The following BABAM2 variants were observed in gnomAD, a reference collection of about 807,000 sequenced individuals.
The protein encoded by BABAM2 is BRISC and BRCA1 A complex member 2.
BABAM2 carries 31 observed loss-of-function variants against 54.7 expected under a neutral mutation model. The ratio of observed to expected loss-of-function variants is 0.57; its 90% CI spans 0.43 to 0.77. The LOEUF is 0.77. BABAM2 is among the 30% of genes least tolerant of loss of function. BABAM2 has a pLI of 0.00. For synonymous variants in BABAM2, 167 were observed against 162.9 expected (o/e 1.03, Z -0.19); for missense variants, 364 against 455.8 (o/e 0.80, Z 1.83).
At position 28,329,876 on chromosome 2, in the gene BABAM2, CA is replaced by C. The variant is rs562639485; in HGVS notation, c.1089-8567del. ...ATACCAAAACCTGGCAGAGATACAA[CA>C]AAAAAAGAAAATGTCAGGCCAATAC... is the stretch of plus-strand genomic sequence containing the variant. On this transcript the variant is annotated intron_variant, in intron 11 of 11. Transcript: ENST00000379624. The surrounding 1 kb of genome is among the most constrained non-coding windows in gnomAD (Gnocchi z 4.2). Among the ~76,000 whole-genome samples, 1 of 152,000 alleles carries C rather than the reference CA, an allele frequency of 6.6e-6. No individual in the cohort carries two copies. The highest frequency in any genetic ancestry group is 2.4e-5 in the African/African-American group (1 of 41,370).
intron 6 of BABAM2, among the ~76,000 whole-genome samples, chr2:28,071,027 AAATGAG>A (rs1664089239): frequency 6.6e-6 from 1 of 152,076 alleles, no homozygotes. Context: ...CTTAATTATT[AAATGAG>A]AATAAGATCT....
chr2:27,946,164 C>CT (rs1669285002), intron 3 of BABAM2, among the ~76,000 whole-genome samples: 1 of 151,996 alleles, frequency 6.6e-6, no homozygotes, highest in African/African-American at 2.4e-5. Context: ...TTCTAGGTGC[C>CT]TTTTTATCAA....
intron 6 of BABAM2, among the ~76,000 whole-genome samples, chr2:28,066,061 A>T (rs1205046762): frequency 2.0e-5 from 3 of 151,140 alleles, no homozygotes; most frequent in African/African-American, 7.3e-5. Context: ...CAGGAGGCCG[A>T]GGTAGGAGAA....
chr2:28,203,097 AAGGTGAC>A (rs1304545587), intron 7 of BABAM2, among the ~76,000 whole-genome samples: 8 of 152,346 alleles, frequency 5.3e-5, no homozygotes, highest in African/African-American at 1.4e-4. Context: ...ACGTTGAGCT[AAGGTGAC>A]AGGTTGTACC....
intron 3 of BABAM2, among the ~76,000 whole-genome samples, chr2:27,969,970 AC>A (rs1671091988): frequency 6.6e-6 from 1 of 152,138 alleles, no homozygotes; most frequent in Non-Finnish European, 1.5e-5. Context: ...ATGGTGGGTC[AC>A]CATGGCATCT....
chr2:27,921,600 G>A (rs1034842421), intron 2 of BABAM2, among the ~76,000 whole-genome samples: 4 of 152,112 alleles, frequency 2.6e-5, no homozygotes, highest in African/African-American at 9.7e-5. Flanking sequence ...AAGCATCTAC[G>A]TGCCTCAGTG....
At chr2:27,939,963 C>T (rs1004699843) in intron 3 of BABAM2, among the ~76,000 whole-genome samples, 16 of 152,132 alleles carry the variant, frequency 1.1e-4, no homozygotes, top group Non-Finnish European at 2.1e-4. Context: ...TTCCTCAGGT[C>T]TTTTACTGTG....
At chr2:28,098,912 A>G (rs1314929272) in intron 6 of BABAM2, among the ~76,000 whole-genome samples, 9 of 152,248 alleles carry the variant, frequency 5.9e-5, no homozygotes, top group Non-Finnish European at 8.8e-5. Context: ...GGATGAATGT[A>G]GATCACAGAC....
intron 5 of BABAM2, among the ~76,000 whole-genome samples, chr2:28,026,884 A>AGATATATATATT (rs1558667458): frequency 0.024 from 1,184 of 50,354 alleles, 12 homozygotes; most frequent in Non-Finnish European, 0.034. Flanking sequence ...TTATATATAT[A>AGATATATATATT]TAGATATATA....
At chr2:28,282,502 CT>C (rs1269781046) in intron 10 of BABAM2, among the ~76,000 whole-genome samples, 1 of 152,116 alleles carries the variant, frequency 6.6e-6, no homozygotes, top group Non-Finnish European at 1.5e-5. Context: ...ATTTATAGCA[CT>C]TGTAGATACA....
chr2:28,144,316 G>A (rs1671313911), intron 7 of BABAM2, among the ~76,000 whole-genome samples: 1 of 152,132 alleles, frequency 6.6e-6, no homozygotes, highest in South Asian at 2.1e-4. Context: ...TAGATACTGT[G>A]CACAGGGACC....
chr2:27,902,120 A>T (rs1008834742), intron 2 of BABAM2, among the ~76,000 whole-genome samples: 1 of 152,202 alleles, frequency 6.6e-6, no homozygotes, highest in African/African-American at 2.4e-5. Flanking sequence ...TTTGACAAAG[A>T]ATGCCACAGT....
rs766084566 is a variant in BABAM2 at position 27,929,927 on chromosome 2, T to C, written c.205+19T>C. On this transcript the variant is annotated intron_variant, in intron 3 of 11. Coordinates refer to ENST00000379624, the MANE Select transcript of BABAM2 (RefSeq NM_199191.3). ...TTAAAGTGTAAGTAAATGATGACTATTTTACTCAAAATGTAGGTTACAGTG... is the reference window on the plus strand; with the variant it reads ...TTAAAGTGTAAGTAAATGATGACTACTTTACTCAAAATGTAGGTTACAGTG... 1 of 1,592,522 alleles carries C rather than the reference T, an allele frequency of 6.3e-7. No homozygotes were observed. The highest frequency in any genetic ancestry group is 1.3e-5 in the African/African-American group (1 of 74,582).
intron 6 of BABAM2, among the ~76,000 whole-genome samples, chr2:28,097,338 G>A (rs776941933): frequency 6.6e-6 from 1 of 152,150 alleles, no homozygotes; most frequent in Non-Finnish European, 1.5e-5. Context: ...GTGGGCATGT[G>A]GGACTAGGAA....
At chr2:28,009,056 A>G (rs1674191690) in intron 4 of BABAM2, among the ~76,000 whole-genome samples, 1 of 152,122 alleles carries the variant, frequency 6.6e-6, no homozygotes, top group Admixed American at 6.5e-5. Flanking sequence ...TTGTATGTGA[A>G]GGTCTAGCGA....
chr2:28,020,432 A>G (rs1282470319), intron 4 of BABAM2, among the ~76,000 whole-genome samples: 1 of 152,228 alleles, frequency 6.6e-6, no homozygotes, highest in African/African-American at 2.4e-5. Context: ...TGGAAAATAC[A>G]GAAAAACAGG....
intron 3 of BABAM2, among the ~76,000 whole-genome samples, chr2:27,952,777 T>C (rs761143931): frequency 6.7e-6 from 1 of 149,024 alleles, no homozygotes; most frequent in Non-Finnish European, 1.5e-5. Flanking sequence ...TTTCACTAGG[T>C]CTGCTTCAGG....
In BABAM2 at chr2:28,113,638, T is replaced by G. The variant is rs992785605; in HGVS notation, c.571-15633T>G. Among the ~76,000 whole-genome samples, 8 of 152,290 alleles carry G rather than the reference T, an allele frequency of 5.3e-5. No homozygotes were observed. The South Asian group carries it at 1.7e-3, about 32-fold the overall frequency. On this transcript the variant is annotated intron_variant, in intron 6 of 11. Transcript: ENST00000379624. ...GAATTGTCTTGGCTCTATGGGCTCT[T>G]TTTTGGTTCCATATGAAATTTAAGG...
At chr2:28,029,067 T>G (rs138162992) in intron 5 of BABAM2, among the ~76,000 whole-genome samples, 64 of 152,296 alleles carry the variant, frequency 4.2e-4, no homozygotes, top group African/African-American at 1.5e-3. Flanking sequence ...ATGCCTGGCC[T>G]CTTCGGCTTT....
Sources: gnomAD v4.1 joint callset for allele counts (sites outside exome capture counted in the v4.1 genomes callset) on GRCh38, gnomAD v4.1.1 for gene constraint, Gnocchi (gnomAD v3.1) non-coding constraint, MANE v1.5 for transcripts, NCBI Gene and HGNC (gene_info 2026-07-23, HGNC 2026-07-21) for gene names.